NLRP3: variants seen among roughly 807,000 people sequenced by gnomAD.
NLRP3 encodes NACHT, LRR and PYD domains-containing protein 3.
Under a neutral mutation model 91.3 loss-of-function variants are expected in NLRP3, and 48 were observed. That is an observed-to-expected ratio of 0.53 (90% CI 0.42 to 0.67). The LOEUF (loss-of-function observed/expected upper bound fraction) is 0.67, where lower values mean the gene tolerates loss of function less well. Ranked by LOEUF, NLRP3 falls within the 30% of genes least tolerant of loss-of-function variation. The pLI is 0.00. For missense variants in NLRP3, 982 were observed against 1,276.9 expected (o/e 0.77, Z 3.52); for synonymous variants, 561 against 507.9 (o/e 1.10, Z -1.41).
chr1:247,436,053 A>C lies in NLRP3; in HGVS notation c.2576A>C (p.Tyr859Ser), dbSNP rs180177452. Residue 859 changes from tyrosine to serine, a missense_variant, in exon 7 of 10, where the codon TAT becomes TCT. Tyr to Ser is a moderately radical substitution (Grantham distance 144, BLOSUM62 -2). Coordinates refer to ENST00000336119, the MANE Select transcript of NLRP3 (RefSeq NM_001243133.2). Reference protein sequence around the residue: ...LSTSHSLTRLYVGENALGDSG... With the variant: ...LSTSHSLTRLSVGENALGDSG... Reference sequence around the variant, plus strand: ...ACCAGCCATTCCCTGACCAGACTCTATGTGGGGGAGAATGCCTTGGGAGAC... The same window carrying C: ...ACCAGCCATTCCCTGACCAGACTCTCTGTGGGGGAGAATGCCTTGGGAGAC... 4 of 1,614,150 alleles carry C rather than the reference A, an allele frequency of 2.5e-6. No individual in the cohort carries two copies. The highest frequency in any genetic ancestry group is 3.4e-6 in the Non-Finnish European group (4 of 1,180,006).
chr1:247,437,694 A>G (rs1238745948), intron 7 of NLRP3, among the ~76,000 whole-genome samples: 1 of 152,204 alleles, frequency 6.6e-6, no homozygotes, highest in Non-Finnish European at 1.5e-5. Context: ...TGTTTTCACA[A>G]CCGTTCTTTT....
rs183522026 is a variant in NLRP3, at chr1:247,443,800, C to T, written c.2664-172C>T. ...GAGACATCATTTGTGTCTCCTGTGA[C>T]AGCCAGAGACAGCAGGTCTTGCTCT... On this transcript the variant is annotated intron_variant, in intron 7 of 9. Transcript: ENST00000336119. The T allele has an allele frequency of 2.5e-4, 164 of 668,526 alleles. 1 individual carries two copies. In the African/African-American group the frequency reaches 2.7e-3, roughly 11 times the overall value. 41.4% of individuals were successfully genotyped at this position (668,526 alleles called of 1,614,324 possible).
rs765687075 is a variant in NLRP3 at position 247,418,852 on chromosome 1, G to A, written c.52G>A (p.Val18Met). The change falls in exon 2 of 10, where the codon GTG becomes ATG. Residue 18 changes from valine (V) to methionine (M), a missense_variant. Physicochemically the swap from Val to Met is conservative, Grantham distance 21. Around this residue, in one of 5 missense-constraint regions of NLRP3, gnomAD observed 548 missense variants for 713.7 expected, o/e 0.77. Coordinates refer to ENST00000336119, the MANE Select transcript of NLRP3 (RefSeq NM_001243133.2). The part of the protein sequence containing the change: ...LARYLEDLED[V>M]DLKKFKMHLE... The stretch of plus-strand genomic sequence containing the variant: ...CAGGTACCTGGAGGACCTGGAGGAT[G>A]TGGACTTGAAGAAATTTAAGATGCA... 6.2e-7 allele frequency: 1 copy of A among 1,614,140 alleles called. No homozygotes were observed.
chr1:247,418,774 G>A lies in NLRP3; in HGVS notation c.-27G>A, dbSNP rs1195552339. 6.2e-7 allele frequency: 1 copy of A among 1,612,966 alleles called. No homozygotes were observed. The highest frequency in any genetic ancestry group is 2.2e-5 in the East Asian group (1 of 44,882). On this transcript the variant is annotated 5_prime_UTR_variant, in exon 2 of 10. Transcript: ENST00000336119. Reference sequence around the variant, plus strand: ...TATCTTAGTGTGGACCGAAGCCTAAGGACCCTGAAAACAGCTGCAGATGAA... The same window carrying A: ...TATCTTAGTGTGGACCGAAGCCTAAAGACCCTGAAAACAGCTGCAGATGAA...
At chr1:247,444,545 C>CTTT in intron 8 of NLRP3, 106 bp from the exon 9 acceptor site, 1 of 968,510 alleles carries the variant, frequency 1.0e-6, no homozygotes, top group Non-Finnish European at 1.5e-6. Context: ...TGCTCCTGTG[C>CTTT]TTTTTTTTTT....
chr1:247,448,427 T>C lies in NLRP3; in HGVS notation c.3028T>C (p.Tyr1010His), dbSNP rs1664744020. 1 of 1,610,894 alleles carries C rather than the reference T, an allele frequency of 6.2e-7. No homozygotes were observed. The highest frequency in any genetic ancestry group is 8.5e-7 in the Non-Finnish European group (1 of 1,177,202). Reference sequence around the variant, plus strand: ...CAGGTTGTCTGAAATGTATTTCAATTATGAGACAAAAAGTGCGTTAGAAAC... The same window carrying C: ...CAGGTTGTCTGAAATGTATTTCAATCATGAGACAAAAAGTGCGTTAGAAAC... ...NLGLSEMYFN[Y>H]ETKSALETLQ... is the part of the protein sequence containing the mutation. The change falls in exon 10 of 10, where the codon TAT becomes CAT. Residue 1010 changes from tyrosine (Y) to histidine (H), a missense_variant. By Grantham distance (83) the Tyr-to-His change is moderately conservative (BLOSUM62 2). Coordinates refer to ENST00000336119, the MANE Select transcript of NLRP3 (RefSeq NM_001243133.2).
chr1:247,431,683 C>CTT (rs1663342475), intron 5 of NLRP3, among the ~76,000 whole-genome samples: 1 of 152,214 alleles, frequency 6.6e-6, no homozygotes, highest in South Asian at 2.1e-4. Flanking sequence ...CTGTGTCTGC[C>CTT]TTTTTCCCTC....
Position 247,419,455 on chromosome 1 carries a change from G to A in NLRP3, c.277+378G>A, listed in dbSNP as rs118140968. Among the ~76,000 whole-genome samples, 428 of 152,100 alleles carry A rather than the reference G, an allele frequency of 2.8e-3. 14 individuals are homozygous for A. The East Asian group carries it at 0.06, about 21-fold the overall frequency. On this transcript the variant is annotated intron_variant, in intron 2 of 9. Transcript: ENST00000336119. ...CAGGTGTGAGCCACCGCGCCCGGCC[G>A]TAATAATTTTTAAATGTACAGTTCA...
In NLRP3 at chr1:247,418,729, G is replaced by C; in HGVS notation, c.-72G>C. 2 of 1,571,340 alleles carry C rather than the reference G, an allele frequency of 1.3e-6. No individual in the cohort carries two copies. The highest frequency in any genetic ancestry group is 1.7e-6 in the Non-Finnish European group (2 of 1,143,274). ...GAGACTTTAAAAAAGACTCATCCGTGTGCCGTGTTCACTGCCTGGTATCTT... is the reference window on the plus strand; with the variant it reads ...GAGACTTTAAAAAAGACTCATCCGTCTGCCGTGTTCACTGCCTGGTATCTT... On this transcript the variant is annotated 5_prime_UTR_variant, in exon 2 of 10. Transcript: ENST00000336119.
chr1:247,438,968 GTCCA>G (rs1219205569), intron 7 of NLRP3, among the ~76,000 whole-genome samples: 11 of 151,198 alleles, frequency 7.3e-5, no homozygotes, highest in South Asian at 2.1e-4. Flanking sequence ...CCATTCATCT[GTCCA>G]TCCATCCATC....
In NLRP3 at chr1:247,424,082, T is replaced by C. The variant is rs1662675800; in HGVS notation, c.633T>C (p.Asp211=). The C allele has an allele frequency of 1.2e-6, 2 of 1,613,966 alleles. No homozygotes were observed. Among genetic ancestry groups the C allele is most frequent in the South Asian group, 1.1e-5 (1 of 91,056 alleles). Residue 211 remains aspartate (D), a synonymous_variant, in exon 4 of 10, where the codon GAT becomes GAC. Transcript: ENST00000336119. The surrounding 1 kb of genome is among the most constrained non-coding windows in gnomAD (Gnocchi z 8.1). Reference sequence around the variant, plus strand: ...TGGAGTTGCTGTTTGACCCCGATGATGAGCATTCTGAGCCTGTGCACACCG... The same window carrying C: ...TGGAGTTGCTGTTTGACCCCGATGACGAGCATTCTGAGCCTGTGCACACCG... The part of the protein sequence containing the change: ...IKMELLFDPD[D]EHSEPVHTVV...
Position 247,424,618 on chromosome 1 carries a change from C to T in NLRP3, c.1169C>T (p.Ala390Val). 1 of 1,614,240 alleles carries T rather than the reference C, an allele frequency of 6.2e-7. No homozygotes were observed. The highest frequency in any genetic ancestry group is 1.1e-5 in the South Asian group (1 of 91,088). ...FFKYFSDEAQ[A>V]RAAFSLIQEN... ...AAGTACTTCTCTGATGAGGCCCAAG[C>T]CAGGGCAGCCTTCAGTCTGATTCAG... The change falls in exon 4 of 10, where the codon GCC (alanine) becomes GTC (valine). Residue 390 changes from alanine (A) to valine (V), a missense_variant. This residue lies in a region of NLRP3 where 548 missense variants were observed against 713.7 expected (regional missense o/e 0.77). Transcript: ENST00000336119. This position sits in a 1 kb window ranked among gnomAD's most constrained non-coding sequence, Gnocchi z 8.1.
In NLRP3 at chr1:247,418,724, T is replaced by C; in HGVS notation, c.-77T>C. The C allele has an allele frequency of 6.4e-7, 1 of 1,559,246 alleles. No homozygotes were observed. Among genetic ancestry groups the C allele is most frequent in the Non-Finnish European group, 8.8e-7 (1 of 1,132,710 alleles). On this transcript the variant is annotated 5_prime_UTR_variant, in exon 2 of 10. Coordinates refer to ENST00000336119, the MANE Select transcript of NLRP3 (RefSeq NM_001243133.2). ...AAGTGGAGACTTTAAAAAAGACTCA[T>C]CCGTGTGCCGTGTTCACTGCCTGGT...
chr1:247,443,072 C>G lies in NLRP3; in HGVS notation c.2664-900C>G, dbSNP rs1349613823. On this transcript the variant is annotated intron_variant, in intron 7 of 9. Coordinates refer to ENST00000336119, the MANE Select transcript of NLRP3 (RefSeq NM_001243133.2). ...TCCCAAGTAGCTGGGATTACAGGTG[C>G]CCACCACCACCCTAACTAATTTTTA... Among the ~76,000 whole-genome samples, 3 of 152,078 alleles carry G rather than the reference C, an allele frequency of 2.0e-5. No individual in the cohort carries two copies. In the East Asian group the frequency reaches 5.8e-4, roughly 29 times the overall value.
Position 247,418,737 on chromosome 1 carries a change from T to C in NLRP3, c.-64T>C. On this transcript the variant is annotated 5_prime_UTR_variant, in exon 2 of 10. Transcript: ENST00000336119. ...AAAAAAGACTCATCCGTGTGCCGTG[T>C]TCACTGCCTGGTATCTTAGTGTGGA... is the stretch of plus-strand genomic sequence containing the variant. 6.2e-7 allele frequency: 1 copy of C among 1,601,242 alleles called. No homozygotes were observed. Among genetic ancestry groups the C allele is most frequent in the Admixed American group, 1.7e-5 (1 of 59,994 alleles).
rs1158612097 is a variant in NLRP3, at chr1:247,424,700, C to T, written c.1251C>T (p.Cys417=). The T allele has an allele frequency of 6.2e-7, 1 of 1,614,180 alleles. No homozygotes were observed. The highest frequency in any genetic ancestry group is 8.5e-7 in the Non-Finnish European group (1 of 1,180,044). ...TCCCCCTGGTCTGCTGGATCGTGTG[C>T]ACTGGACTGAAACAGCAGATGGAGA... ...CFIPLVCWIV[C]TGLKQQMESG... is the part of the protein sequence containing the mutation. Residue 417 remains cysteine (C), a synonymous_variant, in exon 4 of 10, where the codon TGC becomes TGT. Transcript: ENST00000336119. This position sits in a 1 kb window ranked among gnomAD's most constrained non-coding sequence, Gnocchi z 8.1.
chr1:247,444,864 T>C (rs1408630691), intron 9 of NLRP3, 43 bp downstream of exon 9: 1 of 1,602,494 alleles, frequency 6.2e-7, no homozygotes, highest in Non-Finnish European at 8.5e-7. Context: ...GACTCTGAGT[T>C]CTCAGGAAAC....
At chr1:247,435,339 C>T (rs1253468090) in intron 6 of NLRP3, among the ~76,000 whole-genome samples, 1 of 152,120 alleles carries the variant, frequency 6.6e-6, no homozygotes, top group South Asian at 2.1e-4. Flanking sequence ...AATAACCAAA[C>T]GTCCTTCAAC....
At chr1:247,441,777 C>A (rs1207183185) in intron 7 of NLRP3, among the ~76,000 whole-genome samples, 4 of 152,126 alleles carry the variant, frequency 2.6e-5, no homozygotes, top group Non-Finnish European at 2.9e-5. Context: ...TTAATAGTTA[C>A]CAGCATTTTC....
Sources: allele counts gnomAD v4.1 joint callset (sites outside exome capture counted in the v4.1 genomes callset), GRCh38; gene constraint gnomAD v4.1.1; regional missense constraint gnomAD v4.1.1; non-coding constraint Gnocchi (gnomAD v3.1); transcripts MANE v1.5; gene names NCBI Gene and HGNC (gene_info 2026-07-23, HGNC 2026-07-21).